DCBLD2: variants seen among roughly 807,000 people sequenced by gnomAD.
The protein encoded by DCBLD2 is discoidin, CUB and LCCL domain-containing protein 2.
Under a neutral mutation model 86.8 loss-of-function variants are expected in DCBLD2, and 54 were observed. The observed-to-expected ratio is 0.62, with a 90% CI of 0.50 to 0.78. The LOEUF (loss-of-function observed/expected upper bound fraction) is 0.78. Ranked by LOEUF, DCBLD2 falls within the 30% of genes least tolerant of loss-of-function variation. DCBLD2 has a pLI of 0.00. For missense variants in DCBLD2, 908 were observed against 954.2 expected, an observed-to-expected ratio of 0.95 and a Z score of 0.64; for synonymous variants, 354 against 341.3, an observed-to-expected ratio of 1.04 and a Z score of -0.41.
rs1482740006 is a variant in DCBLD2, at chr3:98,797,772, A to T, written c.*1600T>A. On this transcript the variant is annotated 3_prime_UTR_variant, in exon 16 of 16. Coordinates refer to ENST00000326840, the MANE Select transcript of DCBLD2 (RefSeq NM_080927.4). ...GAATACTGATATAATTCATGGAAACAAGAAAACAAATACTGTTCATCTTTA... is the reference window on the plus strand; with the variant it reads ...GAATACTGATATAATTCATGGAAACTAGAAAACAAATACTGTTCATCTTTA... 6.6e-6 allele frequency: 1 copy of T among 152,236 alleles called. No individual in the cohort carries two copies. Among genetic ancestry groups the T allele is most frequent in the Non-Finnish European group, 1.5e-5 (1 of 68,038 alleles). The allele number at this position is 152,236 out of a possible 1,614,324, so 9.4% of individuals were successfully genotyped here.
intron 1 of DCBLD2, chr3:98,890,551 C>T (rs1034301562): frequency 6.6e-6 from 1 of 152,058 alleles, no homozygotes; most frequent in African/African-American, 2.4e-5. Context: ...TGAAACTCTT[C>T]ACTAAAGCAG....
intron 15 of DCBLD2, among the ~76,000 whole-genome samples, chr3:98,800,250 T>C (rs1016677528): frequency 7.9e-5 from 12 of 152,212 alleles, no homozygotes; most frequent in African/African-American, 2.9e-4. Context: ...AAAATAAGTA[T>C]GTACTAGGCT....
intron 1 of DCBLD2, among the ~76,000 whole-genome samples, chr3:98,883,225 C>T (rs1943503349): frequency 6.6e-6 from 1 of 151,926 alleles, no homozygotes; most frequent in African/African-American, 2.4e-5. Context: ...TGTCGAGAAG[C>T]TGAATATTTC....
At chr3:98,900,466 T>C (rs962624603) in intron 1 of DCBLD2, among the ~76,000 whole-genome samples, 2 of 152,062 alleles carry the variant, frequency 1.3e-5, no homozygotes, top group African/African-American at 2.4e-5. Context: ...TTTTCAAGGA[T>C]TGTAGGTGGA....
Position 98,819,210 on chromosome 3 carries a change from T to A in DCBLD2, c.1079A>T (p.Lys360Ile). Reference sequence around the variant, plus strand: ...AATTTTTGTCTCTTAACCTGTTATTTTCTTTTCCTTATTCAAATCTATTTG... The same window carrying A: ...AATTTTTGTCTCTTAACCTGTTATTATCTTTTCCTTATTCAAATCTATTTG... Reference protein sequence around the residue: ...WLQIDLNKEKKITGIITTGST... With the variant: ...WLQIDLNKEKIITGIITTGST... The change falls in exon 8 of 16, where the codon AAA becomes ATA. Residue 360 changes from lysine to isoleucine, a missense_variant. Physicochemically the swap from Lys to Ile is moderately radical, Grantham distance 102. Transcript: ENST00000326840. 6.4e-7 allele frequency: 1 copy of A among 1,563,556 alleles called. No individual in the cohort carries two copies. The highest frequency in any genetic ancestry group is 8.7e-7 in the Non-Finnish European group (1 of 1,152,934).
intron 2 of DCBLD2, among the ~76,000 whole-genome samples, chr3:98,858,046 G>A (rs1477484116): frequency 3.3e-5 from 5 of 152,234 alleles, no homozygotes; most frequent in Non-Finnish European, 5.9e-5. Context: ...GGGGAGGCTT[G>A]GGCCACGCAG....
chr3:98,880,704 G>A lies in DCBLD2; in HGVS notation c.433+836C>T, dbSNP rs899358712. ...AAGCATATATTATATCTTAGGTGCTGTTTACTTTTCTAAGCACGTTACACA... is the reference window on the plus strand; with the variant it reads ...AAGCATATATTATATCTTAGGTGCTATTTACTTTTCTAAGCACGTTACACA... On this transcript the variant is annotated intron_variant, in intron 2 of 15. Transcript: ENST00000326840. Among the ~76,000 whole-genome samples the A allele has an allele frequency of 3.9e-5, 6 of 152,206 alleles. No homozygotes were observed. The East Asian group carries it at 9.7e-4, about 25-fold the overall frequency.
intron 10 of DCBLD2, 118 bp from the exon 11 acceptor site, chr3:98,811,672 A>T (rs957946465): frequency 2.1e-6 from 2 of 953,566 alleles, no homozygotes; most frequent in African/African-American, 3.4e-5. Flanking sequence ...AATAATTTTA[A>T]CTCTCAGAGA....
chr3:98,893,692 G>C (rs1426143771), intron 1 of DCBLD2, among the ~76,000 whole-genome samples: 1 of 152,176 alleles, frequency 6.6e-6, no homozygotes, highest in African/African-American at 2.4e-5. Context: ...GTAAAAGCCA[G>C]TGGCATTTTG....
intron 2 of DCBLD2, among the ~76,000 whole-genome samples, chr3:98,862,671 C>G (rs974015315): frequency 6.6e-6 from 1 of 152,098 alleles, no homozygotes; most frequent in Non-Finnish European, 1.5e-5. Flanking sequence ...AATTCAACAG[C>G]CTTTTATCCT....
At chr3:98,882,365 T>C (rs1027563695) in intron 1 of DCBLD2, among the ~76,000 whole-genome samples, 1 of 152,200 alleles carries the variant, frequency 6.6e-6, no homozygotes, top group Admixed American at 6.5e-5. Context: ...GTGGTCAGCT[T>C]CATCTATTTA....
chr3:98,886,348 T>C (rs1019459287), intron 1 of DCBLD2, among the ~76,000 whole-genome samples: 2 of 152,002 alleles, frequency 1.3e-5, no homozygotes, highest in Non-Finnish European at 2.9e-5. Flanking sequence ...AGTAGCTTTG[T>C]ACACTGGGAA....
rs1941660176 is a variant in DCBLD2, at chr3:98,798,853, G to C, written c.*519C>G. On this transcript the variant is annotated 3_prime_UTR_variant, in exon 16 of 16. Transcript: ENST00000326840. ...GATCTTAAGATGGATAAGTGGATAT[G>C]GCTGCAATAAAAACAATGCTTATAT... 6.5e-6 allele frequency: 1 copy of C among 152,738 alleles called. No individual in the cohort carries two copies. The highest frequency in any genetic ancestry group is 3.4e-3 in the Middle Eastern group (1 of 294). The allele number at this position is 152,738 out of a possible 1,614,324, so 9.5% of individuals were successfully genotyped here.
At chr3:98,803,784 C>A (rs960265617) in intron 13 of DCBLD2, among the ~76,000 whole-genome samples, 64 of 152,272 alleles carry the variant, frequency 4.2e-4, no homozygotes, top group African/African-American at 1.3e-3. Flanking sequence ...AAGGCCTTTT[C>A]TGCATTTATT....
intron 6 of DCBLD2, chr3:98,822,027 T>G (rs1194739627): frequency 8.9e-6 from 6 of 672,732 alleles, no homozygotes; most frequent in Non-Finnish European, 1.6e-5. Flanking sequence ...GCCTGGGCAA[T>G]GAGAGCGAAA....
intron 2 of DCBLD2, among the ~76,000 whole-genome samples, chr3:98,876,200 G>T (rs1489179902): frequency 1.3e-5 from 2 of 151,530 alleles, no homozygotes; most frequent in Non-Finnish European, 1.5e-5. Context: ...ATAATGAGAA[G>T]TCCTAAAACC....
chr3:98,832,683 C>G (rs562132140), intron 3 of DCBLD2, among the ~76,000 whole-genome samples: 2 of 152,144 alleles, frequency 1.3e-5, no homozygotes, highest in African/African-American at 2.4e-5. Context: ...TCTTATTTCT[C>G]CTTTGCTAAG....
chr3:98,861,539 G>A (rs933935545), intron 2 of DCBLD2, among the ~76,000 whole-genome samples: 29 of 152,204 alleles, frequency 1.9e-4, no homozygotes, highest in African/African-American at 6.8e-4. Flanking sequence ...TCAGACCACA[G>A]TGCAATCAAA....
chr3:98,839,082 T>A (rs1942554844), intron 3 of DCBLD2, among the ~76,000 whole-genome samples: 1 of 152,106 alleles, frequency 6.6e-6, no homozygotes, highest in South Asian at 2.1e-4. Flanking sequence ...TCTGTGACCT[T>A]ACCCCCAACC....
Sources: gnomAD v4.1 joint callset for allele counts (sites outside exome capture counted in the v4.1 genomes callset) on GRCh38, gnomAD v4.1.1 for gene constraint, MANE v1.5 for transcripts, NCBI Gene and HGNC (gene_info 2026-07-23, HGNC 2026-07-21) for gene names.